The following KDM6A variants were observed in gnomAD, a reference collection of about 807,000 sequenced individuals.
The protein encoded by KDM6A is lysine demethylase 6A, also known as lysine-specific demethylase 6A.
KDM6A carries 11 observed loss-of-function variants against 117.6 expected under a neutral mutation model. The observed-to-expected ratio is 0.09, with a 90% CI of 0.06 to 0.15. The LOEUF (loss-of-function observed/expected upper bound fraction) is 0.15. KDM6A is among the 10% of genes least tolerant of loss of function. KDM6A has a pLI of 1.00. For synonymous variants in KDM6A, 384 were observed against 396.1 expected, an observed-to-expected ratio of 0.97 and a Z score of 0.36; for missense variants, 799 against 1,077.3, an observed-to-expected ratio of 0.74 and a Z score of 3.62.
intron 8 of KDM6A, among the ~76,000 whole-genome samples, chrX:45,040,738 C>CA: frequency 1.6e-5 from 1 of 63,688 alleles, no homozygotes; most frequent in Non-Finnish European, 3.0e-5. Context: ...CCCCCCACCT[C>CA]CCTCCTGGAT....
At chrX:44,986,805 T>A (rs1257046469) in intron 4 of KDM6A, among the ~76,000 whole-genome samples, 1 of 111,966 alleles carries the variant, frequency 8.9e-6, no homozygotes, top group Non-Finnish European at 1.9e-5. Context: ...TTCTTTTACA[T>A]TTGCTGAGGA....
chrX:44,960,998 A>G (rs2038639934), intron 2 of KDM6A, among the ~76,000 whole-genome samples: 1 of 112,136 alleles, frequency 8.9e-6, no homozygotes, highest in South Asian at 3.7e-4. Flanking sequence ...CTTTCAACTT[A>G]TGAATAAAAT....
chrX:45,097,910 C>T (rs1015973501), intron 27 of KDM6A, among the ~76,000 whole-genome samples: 4 of 111,926 alleles, frequency 3.6e-5, no homozygotes, highest in Non-Finnish European at 5.6e-5. Context: ...CCTATGTTGG[C>T]ATAAGTCAAA....
At chrX:45,043,316 T>A (rs1174910055) in intron 8 of KDM6A, among the ~76,000 whole-genome samples, 8 of 110,703 alleles carry the variant, frequency 7.2e-5, no homozygotes, top group African/African-American at 2.6e-4. Context: ...AAAAAAAAGG[T>A]CTTTTGTAGA....
intron 8 of KDM6A, among the ~76,000 whole-genome samples, chrX:45,050,682 A>G (rs1321016791): frequency 4.5e-5 from 5 of 111,348 alleles, no homozygotes; most frequent in Non-Finnish European, 9.4e-5. Context: ...TTTACAGGTA[A>G]TATTTATGAG....
intron 8 of KDM6A, among the ~76,000 whole-genome samples, chrX:45,041,409 G>A (rs1234458113): frequency 9.8e-6 from 1 of 102,127 alleles, no homozygotes; most frequent in Non-Finnish European, 2.0e-5. Flanking sequence ...CCCGGACGGG[G>A]CAGCTGGCCG....
At chrX:45,098,358 C>T (rs756078467) in intron 27 of KDM6A, among the ~76,000 whole-genome samples, 78 of 112,539 alleles carry the variant, frequency 6.9e-4, no homozygotes, top group African/African-American at 2.4e-3. Context: ...GTAATTGCTC[C>T]AGTTCAGACA....
At position 44,961,352 on chromosome X, in the gene KDM6A, A is replaced by G. The variant is rs200940558; in HGVS notation, c.294A>G (p.Gln98=). 117 of 1,197,078 alleles carry G rather than the reference A, an allele frequency of 9.8e-5. No individual in the cohort carries two copies. Among genetic ancestry groups the G allele is most frequent in the Non-Finnish European group, 1.3e-4 (111 of 884,135 alleles). The stretch of plus-strand genomic sequence containing the variant: ...AAGTGGAGTCTGATTTCTTTTGTCA[A>G]TTAGGTCACTTCAACCTCTTATTGG... ...EGKVESDFFC[Q]LGHFNLLLED... is the part of the protein sequence containing the mutation. The change falls in exon 3 of 30, where the codon CAA becomes CAG. Residue 98 remains glutamine (Q), a synonymous_variant. Coordinates refer to ENST00000611820, the MANE Select transcript of KDM6A (RefSeq NM_001291415.2).
At chrX:44,934,472 G>A (rs1424148258) in intron 2 of KDM6A, among the ~76,000 whole-genome samples, 1 of 111,950 alleles carries the variant, frequency 8.9e-6, no homozygotes, top group Non-Finnish European at 1.9e-5. Flanking sequence ...TTTTAGGATT[G>A]TATCTATACC....
At chrX:44,936,776 T>G (rs1013903131) in intron 2 of KDM6A, among the ~76,000 whole-genome samples, 4 of 112,243 alleles carry the variant, frequency 3.6e-5, no homozygotes, top group Non-Finnish European at 7.5e-5. Flanking sequence ...TTAAATAATT[T>G]TGTTAAACGA....
chrX:45,054,313 CAG>C (rs1221884067), intron 10 of KDM6A, among the ~76,000 whole-genome samples: 3 of 111,565 alleles, frequency 2.7e-5, no homozygotes, highest in Non-Finnish European at 5.7e-5. Flanking sequence ...TTTTATAAAA[CAG>C]AGGATTAATT....
chrX:44,961,195 C>T (rs1294068087), intron 2 of KDM6A, 89 bp from the exon 3 acceptor site: 2 of 602,027 alleles, frequency 3.3e-6, no homozygotes, highest in South Asian at 5.2e-5. Flanking sequence ...CTTAGGTGAT[C>T]GAATGGAGGC....
chrX:45,027,953 C>T lies in KDM6A; in HGVS notation c.565-6978C>T, dbSNP rs747599096. Reference sequence around the variant, plus strand: ...GGATTACAGGTGCATGCCACCACGCCCGGCTAATTTTTGTATTTTTAGTAG... The same window carrying T: ...GGATTACAGGTGCATGCCACCACGCTCGGCTAATTTTTGTATTTTTAGTAG... On this transcript the variant is annotated intron_variant, in intron 6 of 29. Coordinates refer to ENST00000611820, the MANE Select transcript of KDM6A (RefSeq NM_001291415.2). Among the ~76,000 whole-genome samples the T allele has an allele frequency of 2.7e-5, 3 of 110,210 alleles. No individual in the cohort carries two copies. The East Asian group carries it at 8.6e-4, about 31-fold the overall frequency.
chrX:44,957,136 AAAAT>A (rs1380775336), intron 2 of KDM6A, among the ~76,000 whole-genome samples: 3 of 110,975 alleles, frequency 2.7e-5, no homozygotes, highest in East Asian at 2.8e-4. Flanking sequence ...ATCTCAAAAA[AAAAT>A]AAATAAATAA....
chrX:44,962,565 T>C (rs13441085), intron 3 of KDM6A, among the ~76,000 whole-genome samples: 8,128 of 111,717 alleles, frequency 0.073, 658 homozygotes, highest in African/African-American at 0.24. Flanking sequence ...TGGAAACTTA[T>C]TTAAAGGAAA....
intron 2 of KDM6A, among the ~76,000 whole-genome samples, chrX:44,953,044 A>G (rs1421588875): frequency 9.0e-6 from 1 of 110,791 alleles, no homozygotes; most frequent in African/African-American, 3.3e-5. Context: ...CTGGGATTAC[A>G]GGTATGAGCC....
chrX:44,974,388 A>G (rs1164842258), intron 3 of KDM6A, among the ~76,000 whole-genome samples: 1 of 111,330 alleles, frequency 9.0e-6, no homozygotes, highest in Non-Finnish European at 1.9e-5. Context: ...GCTTCTTTTT[A>G]TATCTAACTC....
intron 8 of KDM6A, among the ~76,000 whole-genome samples, chrX:45,047,209 A>G (rs1212362817): frequency 9.6e-6 from 1 of 104,508 alleles, no homozygotes; most frequent in African/African-American, 3.8e-5. Context: ...TACTAATAGT[A>G]TTTTAAGTCT....
intron 27 of KDM6A, among the ~76,000 whole-genome samples, chrX:45,094,706 A>AATGTT (rs761245488): frequency 8.9e-6 from 1 of 111,740 alleles, no homozygotes; most frequent in African/African-American, 3.2e-5. Context: ...TACTCCAAGT[A>AATGTT]ATGTTCTCTT....
Sources: allele counts gnomAD v4.1 joint callset (sites outside exome capture counted in the v4.1 genomes callset), GRCh38; gene constraint gnomAD v4.1.1; transcripts MANE v1.5; gene names NCBI Gene and HGNC (gene_info 2026-07-23, HGNC 2026-07-21).